FARS2: variants seen among roughly 807,000 people sequenced by gnomAD.
FARS2 encodes the protein phenylalanyl-tRNA synthetase 2, mitochondrial.
In FARS2, 40 loss-of-function variants were observed where a neutral mutation model predicts 46.4. That is an observed-to-expected ratio of 0.86 (90% CI 0.67 to 1.12). The LOEUF (loss-of-function observed/expected upper bound fraction) is 1.12. Ranked by LOEUF, FARS2 falls within the 50% of genes most tolerant of loss-of-function variation. The pLI is 0.00. For synonymous variants in FARS2, 234 were observed against 214.9 expected (o/e 1.09, Z -0.78); for missense variants, 513 against 567.9 (o/e 0.90, Z 0.98).
intron 5 of FARS2, among the ~76,000 whole-genome samples, chr6:5,588,129 AC>A (rs1367166694): frequency 6.6e-6 from 1 of 151,682 alleles, no homozygotes; most frequent in Non-Finnish European, 1.5e-5. Flanking sequence ...TCCTTGTTCT[AC>A]CCCAAGGCAG....
intron 1 of FARS2, among the ~76,000 whole-genome samples, chr6:5,305,777 A>G (rs1768657092): frequency 1.3e-5 from 2 of 152,072 alleles, no homozygotes; most frequent in South Asian, 4.2e-4. Flanking sequence ...ACAAGTGTGT[A>G]TTTGGAGTTT....
chr6:5,546,426 AT>A (rs1434116548), intron 5 of FARS2, among the ~76,000 whole-genome samples: 6 of 151,346 alleles, frequency 4.0e-5, no homozygotes, highest in African/African-American at 1.5e-4. Context: ...AATTTTGTGT[AT>A]TTTTAGTAGA....
intron 6 of FARS2, among the ~76,000 whole-genome samples, chr6:5,662,836 C>T (rs913376149): frequency 6.6e-6 from 1 of 152,148 alleles, no homozygotes; most frequent in Non-Finnish European, 1.5e-5. Context: ...GTTACAATTT[C>T]TTTGTGCCCC....
chr6:5,609,969 G>T (rs1327620691), intron 5 of FARS2: 7 of 1,268,744 alleles, frequency 5.5e-6, no homozygotes, highest in South Asian at 1.2e-5. Flanking sequence ...CATCCACCTT[G>T]TGTGGCCTTG....
At chr6:5,477,739 C>G (rs1365727441) in intron 4 of FARS2, among the ~76,000 whole-genome samples, 1 of 152,130 alleles carries the variant, frequency 6.6e-6, no homozygotes, top group African/African-American at 2.4e-5. Context: ...TTAGGCAAGG[C>G]TGGGTGTGGT....
At chr6:5,700,349 C>T (rs903229344) in intron 6 of FARS2, among the ~76,000 whole-genome samples, 1 of 151,432 alleles carries the variant, frequency 6.6e-6, no homozygotes, top group African/African-American at 2.4e-5. Context: ...ATTGAGTTAA[C>T]TTTGGGAGTT....
intron 6 of FARS2, among the ~76,000 whole-genome samples, chr6:5,741,594 A>G (rs188508963): frequency 2.6e-5 from 4 of 152,342 alleles, no homozygotes; most frequent in Admixed American, 6.5e-5. Flanking sequence ...ACCAGCAGCC[A>G]GGCTTGCACA....
intron 5 of FARS2, among the ~76,000 whole-genome samples, chr6:5,581,612 C>T (rs1479378791): frequency 1.3e-5 from 2 of 152,148 alleles, no homozygotes; most frequent in Admixed American, 1.3e-4. Context: ...GCTGTTAATG[C>T]TGAAGAGGGA....
chr6:5,667,033 A>G (rs1013994311), intron 6 of FARS2, among the ~76,000 whole-genome samples: 9 of 152,152 alleles, frequency 5.9e-5, no homozygotes, highest in Admixed American at 6.5e-5. Context: ...ACACATGGAC[A>G]CATACTGGGG....
At chr6:5,306,798 A>G (rs1441818151) in intron 1 of FARS2, among the ~76,000 whole-genome samples, 3 of 152,182 alleles carry the variant, frequency 2.0e-5, no homozygotes, top group African/African-American at 7.2e-5. Context: ...GTCACATGGT[A>G]AAAAGAAGTT....
intron 5 of FARS2, among the ~76,000 whole-genome samples, chr6:5,557,438 T>A (rs901047463): frequency 2.6e-5 from 4 of 151,868 alleles, no homozygotes; most frequent in Admixed American, 2.0e-4. Context: ...GAGGGAGAGT[T>A]TTTCTGGGAG....
intron 6 of FARS2, among the ~76,000 whole-genome samples, chr6:5,681,021 T>C (rs1418930111): frequency 6.6e-6 from 1 of 152,238 alleles, no homozygotes; most frequent in South Asian, 2.1e-4. Flanking sequence ...ATCGCCCTCA[T>C]AGAAGGCCGT....
intron 4 of FARS2, among the ~76,000 whole-genome samples, chr6:5,432,936 T>C (rs924555539): frequency 1.3e-5 from 2 of 152,132 alleles, no homozygotes; most frequent in Admixed American, 1.3e-4. Flanking sequence ...TACTTTTAGG[T>C]ACTCTCCATC....
Position 5,481,164 on chromosome 6 carries a change from C to G in FARS2, c.904+49992C>G, listed in dbSNP as rs1271312735. ...AGAAATATTCTGGCACAAGCATCTT[C>G]TCGTCTCGGTTCAGAACGGGTACCA... On this transcript the variant is annotated intron_variant, in intron 4 of 6. Coordinates refer to ENST00000274680, the MANE Select transcript of FARS2 (RefSeq NM_006567.5). Among the ~76,000 whole-genome samples the G allele has an allele frequency of 3.9e-5, 6 of 152,342 alleles. No individual in the cohort carries two copies. The East Asian group carries it at 1.2e-3, about 29-fold the overall frequency.
At chr6:5,334,311 C>A (rs1429955754) in intron 1 of FARS2, among the ~76,000 whole-genome samples, 1 of 152,136 alleles carries the variant, frequency 6.6e-6, no homozygotes, top group Non-Finnish European at 1.5e-5. Flanking sequence ...TTAGGAGATC[C>A]ATTTGGCCCT....
chr6:5,367,956 T>C (rs1266668821), intron 1 of FARS2, among the ~76,000 whole-genome samples: 1 of 152,190 alleles, frequency 6.6e-6, no homozygotes, highest in East Asian at 1.9e-4. Flanking sequence ...TTAAAACTTT[T>C]TAAAAAAATT....
intron 3 of FARS2, among the ~76,000 whole-genome samples, chr6:5,426,581 C>T (rs1762864486): frequency 6.6e-6 from 1 of 152,076 alleles, no homozygotes; most frequent in Non-Finnish European, 1.5e-5. Context: ...ATTTCACTAC[C>T]AATGATTTTT....
At chr6:5,283,815 T>C (rs866861926) in intron 1 of FARS2, among the ~76,000 whole-genome samples, 27 of 152,342 alleles carry the variant, frequency 1.8e-4, no homozygotes, top group Middle Eastern at 3.4e-3. Context: ...CTTAATTTAC[T>C]TAGCCAGTCC....
At chr6:5,761,482 G>C (rs1045409734) in intron 6 of FARS2, among the ~76,000 whole-genome samples, 6 of 152,202 alleles carry the variant, frequency 3.9e-5, no homozygotes, top group African/African-American at 1.4e-4. Flanking sequence ...AGTTGGAAAC[G>C]TAGCACTTCA....
Sources: gnomAD v4.1 joint callset for allele counts (sites outside exome capture counted in the v4.1 genomes callset) on GRCh38, gnomAD v4.1.1 for gene constraint, MANE v1.5 for transcripts, NCBI Gene and HGNC (gene_info 2026-07-23, HGNC 2026-07-21) for gene names.